The following ATG2A variants were observed in gnomAD, a reference collection of about 807,000 sequenced individuals.
ATG2A encodes autophagy related 2A, also known as autophagy-related protein 2 homolog A.
In ATG2A, 103 loss-of-function variants were observed where a neutral mutation model predicts 214.2. The ratio of observed to expected loss-of-function variants is 0.48; its 90% CI spans 0.41 to 0.57. The LOEUF (loss-of-function observed/expected upper bound fraction) is 0.57, where lower values mean the gene tolerates loss of function less well. Ranked by LOEUF, ATG2A falls within the 20% of genes least tolerant of loss-of-function variation. ATG2A has a pLI of 0.00. For missense variants in ATG2A, 2,312 were observed against 2,613.2 expected (o/e 0.88, Z 2.51); for synonymous variants, 1,160 against 1,142.1 (o/e 1.02, Z -0.32).
In ATG2A at chr11:64,913,216, T is replaced by A; in HGVS notation, c.726+50A>T. ...GTCAGAAAGGATGGGAGGGGCTCAATGGGCTCAAGGGAGAGGAGACAGGGG... is the reference window on the plus strand; with the variant it reads ...GTCAGAAAGGATGGGAGGGGCTCAAAGGGCTCAAGGGAGAGGAGACAGGGG... On this transcript the variant is annotated intron_variant, in intron 5 of 40. Coordinates refer to ENST00000377264, the MANE Select transcript of ATG2A (RefSeq NM_015104.3). The surrounding 1 kb of genome is among the most constrained non-coding windows in gnomAD (Gnocchi z 4.3). The A allele has an allele frequency of 6.2e-7, 1 of 1,611,764 alleles. No individual in the cohort carries two copies. Among genetic ancestry groups the A allele is most frequent in the Non-Finnish European group, 8.5e-7 (1 of 1,179,492 alleles).
intron 14 of ATG2A, 85 bp from the exon 15 acceptor site, chr11:64,909,452 G>T: frequency 6.9e-7 from 1 of 1,455,752 alleles, no homozygotes; most frequent in Non-Finnish European, 9.5e-7. Flanking sequence ...TCAGAGCTGT[G>T]CCCCCGACTC....
At chr11:64,909,424 C>T (rs1944677993) in intron 14 of ATG2A, 57 bp from the exon 15 acceptor site, 3 of 1,552,898 alleles carry the variant, frequency 1.9e-6, no homozygotes, top group Admixed American at 1.7e-5. Context: ...CTATTTCTTC[C>T]CCAATGCCCA....
At position 64,912,252 on chromosome 11, in the gene ATG2A, G is replaced by A. The variant is rs1488055574; in HGVS notation, c.923-3C>T. ...CTTGTCAGCCAGGCCCTCGTGGTCT[G>A]CAGGGGAGGAGACTTCAGTCTGGGC... On this transcript the variant is annotated splice_polypyrimidine_tract_variant and splice_region_variant and intron_variant, in intron 7 of 40. Coordinates refer to ENST00000377264, the MANE Select transcript of ATG2A (RefSeq NM_015104.3). 11 of 1,612,250 alleles carry A rather than the reference G, an allele frequency of 6.8e-6. No homozygotes were observed. Among genetic ancestry groups the A allele is most frequent in the Admixed American group, 1.7e-5 (1 of 59,900 alleles).
In ATG2A at chr11:64,898,175, A is replaced by G. The variant is rs1944223202; in HGVS notation, c.4774-5T>C. ...CTTGAGGAAGAAGAGGGCATCCTGC[A>G]AGGGAGAGGTCCAGATGTGGATCAG... On this transcript the variant is annotated splice_region_variant and splice_polypyrimidine_tract_variant and intron_variant, in intron 33 of 40. Coordinates refer to ENST00000377264, the MANE Select transcript of ATG2A (RefSeq NM_015104.3). The surrounding 1 kb of genome is among the most constrained non-coding windows in gnomAD (Gnocchi z 4.5). 1.2e-6 allele frequency: 2 copies of G among 1,613,918 alleles called. No homozygotes were observed. Among genetic ancestry groups the G allele is most frequent in the Admixed American group, 3.3e-5 (2 of 60,000 alleles).
rs1199428793 is a variant in ATG2A, at chr11:64,895,918, A to G, written c.5428-476T>C. Among the ~76,000 whole-genome samples the G allele has an allele frequency of 1.3e-5, 2 of 152,064 alleles. No homozygotes were observed. Among genetic ancestry groups the G allele is most frequent in the African/African-American group, 4.8e-5 (2 of 41,398 alleles). ...CCCGGGGGCTCCCTGGTGCCCATGC[A>G]TCCCTCCCACCTCCCCTGGAGCCCT... is the stretch of plus-strand genomic sequence containing the variant. On this transcript the variant is annotated intron_variant, in intron 39 of 40. Transcript: ENST00000377264. The surrounding 1 kb of genome is among the most constrained non-coding windows in gnomAD (Gnocchi z 5.0).
chr11:64,910,091 G>A lies in ATG2A; in HGVS notation c.1812C>T (p.Ala604=), dbSNP rs200504454. 264 of 1,609,242 alleles carry A rather than the reference G, an allele frequency of 1.6e-4. No individual in the cohort carries two copies. The highest frequency in any genetic ancestry group is 2.0e-4 in the Non-Finnish European group (241 of 1,178,750). ...GTACGGTGGCCAGGCGCAGTAGGGC[G>A]GCCAGCCGGTCCAGGGCCCCCAGCT... ...DVELGALDRL[A]ALLRLATVPA... is the part of the protein sequence containing the mutation. The change falls in exon 13 of 41, where the codon GCC becomes GCT. Residue 604 remains alanine, a synonymous_variant. Transcript: ENST00000377264.
Position 64,914,217 on chromosome 11 carries a change from G to C in ATG2A, c.351C>G (p.Asp117Glu). 3.2e-6 allele frequency: 5 copies of C among 1,553,796 alleles called. No individual in the cohort carries two copies. Among genetic ancestry groups the C allele is most frequent in the Non-Finnish European group, 4.4e-6 (5 of 1,148,578 alleles). Residue 117 changes from aspartate to glutamate, a missense_variant, in exon 3 of 41, where the codon GAC (aspartate) becomes GAG (glutamate). Coordinates refer to ENST00000377264, the MANE Select transcript of ATG2A (RefSeq NM_015104.3). ...TCATGCATGAGGCCCAGCTCTGTGA[G>C]TCGGCAGCCCCTGGCGCTGTAGGGA... is the stretch of plus-strand genomic sequence containing the variant. ...PRRGPAPGAA[D>E]SQSWASCMTT... is the part of the protein sequence containing the mutation.
In ATG2A at chr11:64,907,270, G is replaced by A; in HGVS notation, c.2817C>T (p.Ala939=). 2 of 1,517,506 alleles carry A rather than the reference G, an allele frequency of 1.3e-6. No homozygotes were observed. The highest frequency in any genetic ancestry group is 1.8e-6 in the Non-Finnish European group (2 of 1,130,284). 94.0% of individuals were successfully genotyped at this position (1,517,506 alleles called of 1,614,324 possible). A position where few individuals can be genotyped will look rare whatever the true frequency, so the allele number is the denominator to read the frequency against. Residue 939 remains alanine (A), a synonymous_variant, in exon 19 of 41, where the codon GCC becomes GCT. Transcript: ENST00000377264. ...LVTVLKGRIT[A]LCETKDEGGK... Reference sequence around the variant, plus strand: ...CTGCACTCACCTTGGTCTCACAGAGGGCTGTGATCCGCCCCTTCAGCACTG... The same window carrying A: ...CTGCACTCACCTTGGTCTCACAGAGAGCTGTGATCCGCCCCTTCAGCACTG...
rs1410390792 is a variant in ATG2A at position 64,897,853 on chromosome 11, C to T, written c.4980G>A (p.Gln1660=). The T allele has an allele frequency of 6.2e-7, 1 of 1,604,294 alleles. No individual in the cohort carries two copies. Among genetic ancestry groups the T allele is most frequent in the Non-Finnish European group, 8.5e-7 (1 of 1,174,162 alleles). Reference sequence around the variant, plus strand: ...CAGCAGCCTACCTGAAGTAGATGGGCTGCTGGTCAGGAGGGGAGGGGCTGT... The same window carrying T: ...CAGCAGCCTACCTGAAGTAGATGGGTTGCTGGTCAGGAGGGGAGGGGCTGT... The part of the protein sequence containing the change: ...GGHSPSPPDQ[Q]PIYFREFRFT... The change falls in exon 35 of 41, where the codon CAG becomes CAA. Residue 1660 remains glutamine (Q), a synonymous_variant. Coordinates refer to ENST00000377264, the MANE Select transcript of ATG2A (RefSeq NM_015104.3).
At chr11:64,896,316 T>A in intron 39 of ATG2A, 146 bp downstream of exon 39, 2 of 1,252,276 alleles carry the variant, frequency 1.6e-6, no homozygotes, top group Non-Finnish European at 2.2e-6. Context: ...TCACTTAGCC[T>A]CTCCGTGGCT....
At chr11:64,910,010 C>A in intron 13 of ATG2A, 30 bp downstream of exon 13, 2 of 1,557,866 alleles carry the variant, frequency 1.3e-6, no homozygotes, top group South Asian at 1.2e-5. Flanking sequence ...TGCACCCACC[C>A]CCGGCCTGGC....
At chr11:64,897,790 C>T in intron 35 of ATG2A, 47 bp from the exon 36 acceptor site, 1 of 1,614,094 alleles carries the variant, frequency 6.2e-7, no homozygotes, top group Non-Finnish European at 8.5e-7. Context: ...ACTGGCCTGG[C>T]CCCCAGCAAT....
Position 64,895,071 on chromosome 11 carries a change from C to T in ATG2A, c.5719G>A (p.Ala1907Thr), listed in dbSNP as rs868065283. The T allele has an allele frequency of 6.2e-7, 1 of 1,612,940 alleles. No homozygotes were observed. Residue 1907 changes from alanine to threonine, a missense_variant, in exon 41 of 41, where the codon GCC (alanine) becomes ACC (threonine). Ala to Thr is a moderately conservative substitution (Grantham distance 58, BLOSUM62 0). Transcript: ENST00000377264. The surrounding 1 kb of genome is among the most constrained non-coding windows in gnomAD (Gnocchi z 5.0). ...VVKPLILATE[A>T]TSSLLGGMRN... ...ATGCCCCCGAGCAGGCTGGACGTGG[C>T]CTCCGTGGCCAGGATGAGCGGCTTC...
chr11:64,906,748 A>T lies in ATG2A; in HGVS notation c.2900T>A (p.Leu967His), dbSNP rs1944567018. The change falls in exon 20 of 41, where the codon CTC becomes CAC. Residue 967 changes from leucine (L) to histidine (H), a missense_variant. Coordinates refer to ENST00000377264, the MANE Select transcript of ATG2A (RefSeq NM_015104.3). Reference sequence around the variant, plus strand: ...GCCACAGTACTGGGAGACGCTGAAGAGGGTACCGTGCTCCATGTCCAGCAC... The same window carrying T: ...GCCACAGTACTGGGAGACGCTGAAGTGGGTACCGTGCTCCATGTCCAGCAC... The part of the protein sequence containing the change: ...ELVLDMEHGT[L>H]FSVSQYCGQP... 6.2e-7 allele frequency: 1 copy of T among 1,613,464 alleles called. No individual in the cohort carries two copies. The highest frequency in any genetic ancestry group is 1.1e-5 in the South Asian group (1 of 91,088).
rs747763922 is a variant in ATG2A, at chr11:64,905,816, A to T, written c.3297T>A (p.Pro1099=). 3 of 1,613,676 alleles carry T rather than the reference A, an allele frequency of 1.9e-6. No individual in the cohort carries two copies. The East Asian group carries it at 6.7e-5, about 36-fold the overall frequency. The stretch of plus-strand genomic sequence containing the variant: ...CCGTCGGGGGCAGGTAGCCCAGCAC[A>T]GGGTCATCCAGCACGTCTAGGAACT... The part of the protein sequence containing the change: ...LLEFLDVLDD[P]VLGYLPPTVI... The change falls in exon 23 of 41, where the codon CCT becomes CCA. Residue 1099 remains proline, a synonymous_variant. Coordinates refer to ENST00000377264, the MANE Select transcript of ATG2A (RefSeq NM_015104.3).
In ATG2A at chr11:64,903,420, C is replaced by T; in HGVS notation, c.3536-56G>A. On this transcript the variant is annotated intron_variant, in intron 25 of 40. Coordinates refer to ENST00000377264, the MANE Select transcript of ATG2A (RefSeq NM_015104.3). This position sits in a 1 kb window ranked among gnomAD's most constrained non-coding sequence, Gnocchi z 4.2. ...GCCCCCTTCCACCCGGCCCCGGCCC[C>T]AGCACCTGGGGGAAGGATCCGGTTG... The T allele has an allele frequency of 6.3e-7, 1 of 1,596,268 alleles. No homozygotes were observed. The highest frequency in any genetic ancestry group is 1.1e-5 in the South Asian group (1 of 90,038).
chr11:64,897,240 C>A, intron 37 of ATG2A, 172 bp downstream of exon 37: 1 of 755,900 alleles, frequency 1.3e-6, no homozygotes. Context: ...AGGCTGGTCT[C>A]GAATGCCTGA....
Position 64,912,206 on chromosome 11 carries a change from T to A in ATG2A, c.966A>T (p.Leu322=). 1.2e-6 allele frequency: 2 copies of A among 1,613,814 alleles called. No individual in the cohort carries two copies. The highest frequency in any genetic ancestry group is 1.7e-6 in the Non-Finnish European group (2 of 1,179,976). The change falls in exon 8 of 41, where the codon CTA becomes CTT. Residue 322 remains leucine (L), a synonymous_variant. Transcript: ENST00000377264. ...LADKLNKSRP[L]GAEDLWLIEQ... is the part of the protein sequence containing the mutation. ...CAATCAGCCACAGGTCTTCGGCACC[T>A]AGCGGGCGGCTCTTGTTCAGCTTGT...
At chr11:64,911,454 C>T (rs905950585) in intron 9 of ATG2A, among the ~76,000 whole-genome samples, 179 bp from the exon 10 acceptor site, 2 of 152,094 alleles carry the variant, frequency 1.3e-5, no homozygotes, top group South Asian at 4.1e-4. Flanking sequence ...GGCCTTCTGC[C>T]CAGGCTCAAC....
Sources: gnomAD v4.1 joint callset for allele counts (sites outside exome capture counted in the v4.1 genomes callset) on GRCh38, gnomAD v4.1.1 for gene constraint, Gnocchi (gnomAD v3.1) non-coding constraint, MANE v1.5 for transcripts, NCBI Gene and HGNC (gene_info 2026-07-23, HGNC 2026-07-21) for gene names.